The following AGO3 variants were observed in gnomAD, a reference collection of about 807,000 sequenced individuals.
AGO3 encodes argonaute RISC catalytic component 3.
In AGO3, 16 loss-of-function variants were observed where a neutral mutation model predicts 105.5. The ratio of observed to expected loss-of-function variants is 0.15; its 90% CI spans 0.10 to 0.23. The LOEUF (loss-of-function observed/expected upper bound fraction) is 0.23, where lower values mean the gene tolerates loss of function less well. AGO3 is among the 10% of genes least tolerant of loss of function. The pLI is 1.00. For synonymous variants in AGO3, 340 were observed against 367.3 expected (o/e 0.93, Z 0.85); for missense variants, 534 against 1,088.0 (o/e 0.49, Z 7.16).
chr1:35,960,834 T>G (rs1646660030), intron 2 of AGO3, among the ~76,000 whole-genome samples: 1 of 152,146 alleles, frequency 6.6e-6, no homozygotes, highest in South Asian at 2.1e-4. Context: ...TCCTTAAGGC[T>G]CTGAACTAAA....
intron 2 of AGO3, among the ~76,000 whole-genome samples, chr1:35,961,448 A>G (rs1646674945): frequency 6.6e-6 from 1 of 152,066 alleles, no homozygotes; most frequent in Non-Finnish European, 1.5e-5. Context: ...AAATCCTGAA[A>G]ATTTCGTTCC....
Position 35,945,935 on chromosome 1 carries a change from A to G in AGO3, c.191+72A>G, listed in dbSNP as rs1346262815. ...GTAATTATCCATGTTTATTTTGTAT[A>G]TCTGAATAACAATTACAATGTGTAA... On this transcript the variant is annotated intron_variant, in intron 2 of 18. Coordinates refer to ENST00000373191, the MANE Select transcript of AGO3 (RefSeq NM_024852.4). 9.7e-6 allele frequency: 14 copies of G among 1,438,438 alleles called. No homozygotes were observed. In the Admixed American group the frequency reaches 2.7e-4, roughly 28 times the overall value. 89.1% of individuals were successfully genotyped at this position (1,438,438 alleles called of 1,614,324 possible).
At chr1:35,998,876 A>G (rs1278079498) in intron 5 of AGO3, among the ~76,000 whole-genome samples, 1 of 152,124 alleles carries the variant, frequency 6.6e-6, no homozygotes, top group Non-Finnish European at 1.5e-5. Context: ...GACCATAAAG[A>G]TATTCTACAT....
intron 3 of AGO3, among the ~76,000 whole-genome samples, chr1:35,971,469 C>CT (rs931329996): frequency 1.3e-5 from 2 of 149,112 alleles, no homozygotes; most frequent in Non-Finnish European, 3.0e-5. Context: ...TTTTTTTTTT[C>CT]TTTTTTTTAA....
chr1:36,004,318 ATTG>A lies in AGO3; in HGVS notation c.659-20_659-18del, dbSNP rs1438213337. 7 of 1,588,144 alleles carry A rather than the reference ATTG, an allele frequency of 4.4e-6. No homozygotes were observed. Among genetic ancestry groups the A allele is most frequent in the Non-Finnish European group, 6.0e-6 (7 of 1,167,226 alleles). On this transcript the variant is annotated intron_variant, in intron 5 of 18. Transcript: ENST00000373191. ...ATTTTTTAGGGAAACATTAATTTGT[ATTG>A]TTTGTGTTTTTCTTCTTAGTTTCTG... is the stretch of plus-strand genomic sequence containing the variant.
chr1:35,999,088 C>T (rs956497618), intron 5 of AGO3, among the ~76,000 whole-genome samples: 1 of 152,130 alleles, frequency 6.6e-6, no homozygotes, highest in East Asian at 1.9e-4. Context: ...CACGGTGGCT[C>T]ATGCCTGTAA....
intron 5 of AGO3, among the ~76,000 whole-genome samples, chr1:35,977,664 A>T (rs921825872): frequency 1.3e-5 from 2 of 152,178 alleles, no homozygotes; most frequent in African/African-American, 4.8e-5. Context: ...AAGTGCTGGG[A>T]TTACAGGCAT....
chr1:35,994,324 T>C (rs1021741782), intron 5 of AGO3, among the ~76,000 whole-genome samples: 10 of 151,934 alleles, frequency 6.6e-5, no homozygotes, highest in East Asian at 1.9e-4. Flanking sequence ...AACAGGAAAA[T>C]TGACACATTT....
At chr1:35,960,797 C>T (rs7521611) in intron 2 of AGO3, among the ~76,000 whole-genome samples, 13,298 of 151,814 alleles carry the variant, frequency 0.088, 2,030 homozygotes, top group East Asian at 0.68. Context: ...AAAATTGACC[C>T]GTATACTATA....
At chr1:36,025,229 T>G (rs533913998) in intron 11 of AGO3, among the ~76,000 whole-genome samples, 2 of 152,258 alleles carry the variant, frequency 1.3e-5, no homozygotes, top group South Asian at 2.1e-4. Flanking sequence ...GAAATAAAAT[T>G]TTTTTCTATT....
intron 5 of AGO3, among the ~76,000 whole-genome samples, chr1:35,988,367 G>A (rs1569634343): frequency 6.6e-6 from 1 of 152,212 alleles, no homozygotes; most frequent in Middle Eastern, 3.4e-3. Context: ...TCACCATGCA[G>A]TACATTAGGT....
chr1:36,042,238 C>T (rs1255640656), intron 16 of AGO3, among the ~76,000 whole-genome samples: 4 of 152,098 alleles, frequency 2.6e-5, no homozygotes, highest in Admixed American at 6.5e-5. Flanking sequence ...GCATGTGCCA[C>T]CACACCCGGC....
At chr1:35,990,821 T>C (rs1242018880) in intron 5 of AGO3, among the ~76,000 whole-genome samples, 1 of 152,224 alleles carries the variant, frequency 6.6e-6, no homozygotes. Context: ...TGAGAAATAA[T>C]TTGATTTTAT....
At chr1:35,955,192 A>G (rs1646541979) in intron 2 of AGO3, among the ~76,000 whole-genome samples, 1 of 152,204 alleles carries the variant, frequency 6.6e-6, no homozygotes. Flanking sequence ...GGTATTTAGG[A>G]CCATACTTGA....
chr1:36,054,561 G>T (rs909786036), intron 17 of AGO3, among the ~76,000 whole-genome samples: 2 of 151,984 alleles, frequency 1.3e-5, no homozygotes, highest in Admixed American at 1.3e-4. Context: ...TTTTTTATGT[G>T]ACTTGGTATT....
chr1:35,949,363 T>G (rs1227321625), intron 2 of AGO3, among the ~76,000 whole-genome samples: 1 of 152,254 alleles, frequency 6.6e-6, no homozygotes, highest in East Asian at 1.9e-4. Context: ...TTATTCCGTT[T>G]TCTTCAGCTG....
rs778791251 is a variant in AGO3 at position 36,039,877 on chromosome 1, G to A, written c.1930G>A (p.Ala644Thr). ...RPRQEIIQDLASMVRELLIQF... is the reference protein window; with the variant it reads ...RPRQEIIQDLTSMVRELLIQF... The stretch of plus-strand genomic sequence containing the variant: ...CCGACAGGAGATCATCCAGGACTTG[G>A]CCTCCATGGTCCGGGAACTTCTTAT... Residue 644 changes from alanine (A) to threonine (T), a missense_variant, in exon 15 of 19, where the codon GCC becomes ACC. Ala to Thr is a moderately conservative substitution (Grantham distance 58, BLOSUM62 0). Coordinates refer to ENST00000373191, the MANE Select transcript of AGO3 (RefSeq NM_024852.4). The A allele has an allele frequency of 3.6e-5, 58 of 1,613,800 alleles. No homozygotes were observed. The highest frequency in any genetic ancestry group is 5.3e-5 in the African/African-American group (4 of 74,856).
chr1:35,936,931 G>A (rs1315410127), intron 1 of AGO3, among the ~76,000 whole-genome samples: 7 of 152,098 alleles, frequency 4.6e-5, no homozygotes, highest in Admixed American at 4.6e-4. Context: ...TCAATTGTAA[G>A]CTTACATAAT....
intron 12 of AGO3, among the ~76,000 whole-genome samples, chr1:36,029,971 G>A (rs537472295): frequency 1.7e-4 from 26 of 152,178 alleles, no homozygotes; most frequent in African/African-American, 6.0e-4. Flanking sequence ...GGGATTACAG[G>A]CATGAGCCAC....
Sources: gnomAD v4.1 joint callset for allele counts (sites outside exome capture counted in the v4.1 genomes callset) on GRCh38, gnomAD v4.1.1 for gene constraint, MANE v1.5 for transcripts, NCBI Gene and HGNC (gene_info 2026-07-23, HGNC 2026-07-21) for gene names.